Variants in UNC5C observed in about 807,000 individuals in gnomAD.
UNC5C encodes netrin receptor UNC5C.
In UNC5C, 47 loss-of-function variants were observed where a neutral mutation model predicts 99.8. The ratio of observed to expected loss-of-function variants is 0.47; its 90% CI spans 0.37 to 0.60. UNC5C has a LOEUF of 0.60. Ranked by LOEUF, UNC5C falls within the 20% of genes least tolerant of loss-of-function variation. The probability of loss-of-function intolerance (pLI) is 0.00; values close to 1 mark genes in which losing one functional copy is unlikely to be tolerated. For missense variants in UNC5C, 1,062 were observed against 1,165.9 expected, an observed-to-expected ratio of 0.91 and a Z score of 1.30; for synonymous variants, 487 against 452.2, an observed-to-expected ratio of 1.08 and a Z score of -0.98.
chr4:95,431,645 T>TA, intron 1 of UNC5C, among the ~76,000 whole-genome samples: 1 of 152,066 alleles, frequency 6.6e-6, no homozygotes, highest in East Asian at 1.9e-4. Context: ...TTTTCTAGTC[T>TA]AAAAAATGAA....
intron 1 of UNC5C, among the ~76,000 whole-genome samples, chr4:95,426,910 A>G (rs1413221504): frequency 6.6e-6 from 1 of 152,238 alleles, no homozygotes. Flanking sequence ...TGATGTAGAA[A>G]CTGTAGCAAG....
rs146468762 is a variant in UNC5C at position 95,413,621 on chromosome 4, A to G, written c.125-77990T>C. ...AAATGAAGGTTTGAAAGCTACACAGACTGCGGAAAGTGTTTTCTGGGACTG... is the reference window on the plus strand; with the variant it reads ...AAATGAAGGTTTGAAAGCTACACAGGCTGCGGAAAGTGTTTTCTGGGACTG... On this transcript the variant is annotated intron_variant, in intron 1 of 15. Transcript: ENST00000453304. Among the ~76,000 whole-genome samples the G allele has an allele frequency of 9.2e-5, 14 of 152,318 alleles. No homozygotes were observed. The East Asian group carries it at 2.7e-3, about 29-fold the overall frequency.
intron 10 of UNC5C, among the ~76,000 whole-genome samples, chr4:95,207,271 C>T (rs1423311896): frequency 2.0e-5 from 3 of 152,134 alleles, no homozygotes; most frequent in Admixed American, 6.5e-5. Context: ...TAGAACTAAA[C>T]TTAGTCCAAA....
intron 1 of UNC5C, among the ~76,000 whole-genome samples, chr4:95,426,764 T>C (rs1314269359): frequency 6.6e-6 from 1 of 152,196 alleles, no homozygotes; most frequent in African/African-American, 2.4e-5. Context: ...AATAAGACCC[T>C]AACTCTCTCC....
At chr4:95,284,505 G>A (rs1030216076) in intron 3 of UNC5C, among the ~76,000 whole-genome samples, 1 of 152,140 alleles carries the variant, frequency 6.6e-6, no homozygotes, top group African/African-American at 2.4e-5. Flanking sequence ...GAAGACAACA[G>A]CTTATAATAT....
intron 14 of UNC5C, among the ~76,000 whole-genome samples, chr4:95,180,883 C>G (rs550510441): frequency 6.6e-6 from 1 of 152,254 alleles, no homozygotes; most frequent in East Asian, 1.9e-4. Flanking sequence ...CAAATGGAGC[C>G]TTTTCTCTAC....
intron 1 of UNC5C, among the ~76,000 whole-genome samples, chr4:95,369,593 G>A (rs1744685655): frequency 6.6e-6 from 1 of 152,010 alleles, no homozygotes; most frequent in Admixed American, 6.6e-5. Flanking sequence ...TATTCCAAGT[G>A]TACTAAAAAG....
Position 95,335,559 on chromosome 4 carries a change from A to G in UNC5C, c.197T>C (p.Ile66Thr). ...CACAATATAAGCTTCTTCAGGCTCAATAAGGAAATGTGGCAGAGGCTCAGG... is the reference window on the plus strand; with the variant it reads ...CACAATATAAGCTTCTTCAGGCTCAGTAAGGAAATGTGGCAGAGGCTCAGG... ...DPPEPLPHFLIEPEEAYIVKN... is the reference protein window; with the variant it reads ...DPPEPLPHFLTEPEEAYIVKN... Residue 66 changes from isoleucine (I) to threonine (T), a missense_variant, in exon 2 of 16, where the codon ATT (isoleucine) becomes ACT (threonine). Physicochemically the swap from Ile to Thr is moderately conservative, Grantham distance 89. This residue lies in a region of UNC5C where 249 missense variants were observed against 295.1 expected (regional missense o/e 0.84). Transcript: ENST00000453304. 1.9e-6 allele frequency: 3 copies of G among 1,612,418 alleles called. No homozygotes were observed. The highest frequency in any genetic ancestry group is 4.5e-5 in the East Asian group (2 of 44,796).
intron 1 of UNC5C, among the ~76,000 whole-genome samples, chr4:95,458,057 TA>T (rs2149469850): frequency 6.6e-6 from 1 of 152,250 alleles, no homozygotes; most frequent in African/African-American, 2.4e-5. Context: ...TCAGTTTGTG[TA>T]GTGTGTGTGT....
intron 1 of UNC5C, among the ~76,000 whole-genome samples, chr4:95,418,356 T>A (rs1746227897): frequency 6.6e-6 from 1 of 152,200 alleles, no homozygotes; most frequent in African/African-American, 2.4e-5. Flanking sequence ...GACAAGAGGT[T>A]TTTCACTTTG....
intron 2 of UNC5C, among the ~76,000 whole-genome samples, chr4:95,314,149 A>G (rs372402682): frequency 1.3e-3 from 193 of 152,324 alleles, no homozygotes; most frequent in African/African-American, 4.5e-3. Context: ...GAGCACCACT[A>G]ATTGAAAACT....
Position 95,250,524 on chromosome 4 carries a change from G to C in UNC5C, c.738C>G (p.Ala246=). 3 of 1,613,932 alleles carry C rather than the reference G, an allele frequency of 1.9e-6. No homozygotes were observed. Among genetic ancestry groups the C allele is most frequent in the Non-Finnish European group, 2.5e-6 (3 of 1,179,934 alleles). Residue 246 remains alanine (A), a synonymous_variant, in exon 5 of 16, where the codon GCC becomes GCG. Transcript: ENST00000453304. The stretch of plus-strand genomic sequence containing the variant: ...CAGTGGCAGTTGTACTTTTCCTCTT[G>C]GCAACAATGTTTTTGGCAACACAGG... ...NYTCVAKNIV[A]KRKSTTATVI... is the part of the protein sequence containing the mutation.
intron 1 of UNC5C, among the ~76,000 whole-genome samples, chr4:95,384,464 C>G (rs541193677): frequency 6.6e-6 from 1 of 152,116 alleles, no homozygotes; most frequent in Non-Finnish European, 1.5e-5. Context: ...CCAGGGCACT[C>G]TAAACACTCA....
intron 1 of UNC5C, among the ~76,000 whole-genome samples, chr4:95,399,078 C>A (rs928521730): frequency 6.6e-6 from 1 of 152,102 alleles, no homozygotes; most frequent in Non-Finnish European, 1.5e-5. Flanking sequence ...ATTTATATCA[C>A]ATAGGTCTTC....
intron 1 of UNC5C, among the ~76,000 whole-genome samples, chr4:95,408,910 T>C (rs1355365454): frequency 6.6e-6 from 1 of 152,190 alleles, no homozygotes; most frequent in Admixed American, 6.5e-5. Flanking sequence ...CTTGGGAGCC[T>C]ATGATTTGAC....
intron 1 of UNC5C, among the ~76,000 whole-genome samples, chr4:95,467,981 T>C (rs1294418639): frequency 2.0e-4 from 30 of 152,098 alleles, no homozygotes; most frequent in Non-Finnish European, 3.8e-4. Flanking sequence ...ATTTTCTTCA[T>C]GTGGCTGAGG....
chr4:95,445,990 C>A (rs890899397), intron 1 of UNC5C, among the ~76,000 whole-genome samples: 3 of 151,202 alleles, frequency 2.0e-5, no homozygotes, highest in Non-Finnish European at 3.0e-5. Flanking sequence ...AACAAACAAA[C>A]AAAAAAAACA....
intron 14 of UNC5C, among the ~76,000 whole-genome samples, chr4:95,171,095 A>G (rs928448034): frequency 2.0e-5 from 3 of 152,244 alleles, no homozygotes; most frequent in Admixed American, 6.5e-5. Flanking sequence ...TGCAGGAGAA[A>G]TTCTAATCAT....
Position 95,375,729 on chromosome 4 carries a change from G to T in UNC5C, c.125-40098C>A, listed in dbSNP as rs188913364. Among the ~76,000 whole-genome samples the T allele has an allele frequency of 3.2e-3, 482 of 152,252 alleles. 3 individuals are homozygous for T. The highest frequency in any genetic ancestry group is 0.011 in the African/African-American group (465 of 41,552). On this transcript the variant is annotated intron_variant, in intron 1 of 15. Transcript: ENST00000453304. ...TTAAATCCAGGAATAAAATAAGCATGCTCATTATTTAGCATTATTGTGGAA... is the reference window on the plus strand; with the variant it reads ...TTAAATCCAGGAATAAAATAAGCATTCTCATTATTTAGCATTATTGTGGAA...
Sources: allele counts gnomAD v4.1 joint callset (sites outside exome capture counted in the v4.1 genomes callset), GRCh38; gene constraint gnomAD v4.1.1; regional missense constraint gnomAD v4.1.1; transcripts MANE v1.5; gene names NCBI Gene and HGNC (gene_info 2026-07-23, HGNC 2026-07-21).